NRXN3: variants seen among roughly 807,000 people sequenced by gnomAD.
NRXN3 encodes the protein neurexin 3, also known as neurexin III.
NRXN3 carries 32 observed loss-of-function variants against 137.6 expected under a neutral mutation model. The ratio of observed to expected loss-of-function variants is 0.23; its 90% CI spans 0.18 to 0.31. The LOEUF (loss-of-function observed/expected upper bound fraction) is 0.31, where lower values mean the gene tolerates loss of function less well. Ranked by LOEUF, NRXN3 falls within the 10% of genes least tolerant of loss-of-function variation. The pLI, the probability that NRXN3 is intolerant of heterozygous loss-of-function variation, is 1.00. For missense variants in NRXN3, 1,574 were observed against 2,062.5 expected (o/e 0.76, Z 4.59); for synonymous variants, 798 against 784.5 (o/e 1.02, Z -0.29).
chr14:78,444,811 C>T lies in NRXN3; in HGVS notation c.757+146951C>T, dbSNP rs576213323. Among the ~76,000 whole-genome samples the T allele has an allele frequency of 2.7e-3, 401 of 148,750 alleles. 5 individuals are homozygous for T. The highest frequency in any genetic ancestry group is 2.0e-3 in the Non-Finnish European group (136 of 67,530). ...GTGGATACCTGTAATCCCAGCTACT[C>T]GGGAGGCTGAGGCAGAAGAACCACG... On this transcript the variant is annotated intron_variant, in intron 4 of 20. Transcript: ENST00000335750.
chr14:79,784,533 T>C (rs1339170432), intron 19 of NRXN3, among the ~76,000 whole-genome samples: 1 of 152,078 alleles, frequency 6.6e-6, no homozygotes, highest in Non-Finnish European at 1.5e-5. Context: ...AGGCTGCAGT[T>C]TGAAGGCAAG....
At position 78,964,561 on chromosome 14, in the gene NRXN3, G is replaced by A. The variant is rs1182693614; in HGVS notation, c.2396-1464G>A. Among the ~76,000 whole-genome samples the A allele has an allele frequency of 2.0e-5, 3 of 152,212 alleles. No individual in the cohort carries two copies. In the South Asian group the frequency reaches 6.2e-4, roughly 32 times the overall value. On this transcript the variant is annotated intron_variant, in intron 11 of 20. Transcript: ENST00000335750. ...TCACTTCTTCAGGAAAGTTGTTAAAGAGGAAATAAAGAGATGCTATCAGTC... is the reference window on the plus strand; with the variant it reads ...TCACTTCTTCAGGAAAGTTGTTAAAAAGGAAATAAAGAGATGCTATCAGTC...
intron 16 of NRXN3, among the ~76,000 whole-genome samples, chr14:79,549,318 T>C (rs1208487489): frequency 6.6e-6 from 1 of 152,108 alleles, no homozygotes; most frequent in Non-Finnish European, 1.5e-5. Flanking sequence ...AATAAAGTCT[T>C]CTACCAGCTG....
chr14:79,034,941 T>A (rs2099613713), intron 15 of NRXN3, among the ~76,000 whole-genome samples: 1 of 152,138 alleles, frequency 6.6e-6, no homozygotes, highest in Non-Finnish European at 1.5e-5. Context: ...AATAGGAGAA[T>A]CATCTGTGAG....
chr14:78,442,755 G>A (rs1487778925), intron 4 of NRXN3, among the ~76,000 whole-genome samples: 1 of 152,216 alleles, frequency 6.6e-6, no homozygotes, highest in Non-Finnish European at 1.5e-5. Context: ...GCAGCTGGGT[G>A]AAAGGCCACA....
chr14:78,546,304 G>A (rs1396110393), intron 4 of NRXN3, among the ~76,000 whole-genome samples: 5 of 152,012 alleles, frequency 3.3e-5, no homozygotes, highest in African/African-American at 4.8e-5. Context: ...TGCATTTCTC[G>A]GACTGTTAGT....
At chr14:78,547,554 AT>A (rs1324448203) in intron 4 of NRXN3, among the ~76,000 whole-genome samples, 1 of 152,112 alleles carries the variant, frequency 6.6e-6, no homozygotes, top group Admixed American at 6.5e-5. Context: ...TTAAATCAAT[AT>A]GTTAATTTTG....
chr14:79,593,280 G>A (rs935580120), intron 16 of NRXN3, among the ~76,000 whole-genome samples: 1 of 152,136 alleles, frequency 6.6e-6, no homozygotes, highest in African/African-American at 2.4e-5. Flanking sequence ...AACAATGGGA[G>A]TATAAAGGTA....
chr14:78,835,518 A>T (rs2098994211), intron 10 of NRXN3, among the ~76,000 whole-genome samples: 1 of 152,176 alleles, frequency 6.6e-6, no homozygotes, highest in Non-Finnish European at 1.5e-5. Flanking sequence ...TGCTCTGGGC[A>T]CTTGGCATCC....
chr14:78,880,491 C>G (rs1204056449), intron 10 of NRXN3, among the ~76,000 whole-genome samples: 6 of 151,968 alleles, frequency 3.9e-5, no homozygotes, highest in Non-Finnish European at 2.9e-5. Flanking sequence ...AACCCGAGGC[C>G]TGGCAGGGAG....
chr14:78,783,202 G>T lies in NRXN3; in HGVS notation c.2045-20418G>T, dbSNP rs149254818. On this transcript the variant is annotated intron_variant, in intron 8 of 20. Coordinates refer to ENST00000335750, the MANE Select transcript of NRXN3 (RefSeq NM_001330195.2). ...GCAGGAAATTATCACCAGGAACAAG[G>T]CATGGGAATATCATGAACCCCTTGA... Among the ~76,000 whole-genome samples the T allele has an allele frequency of 3.1e-3, 466 of 152,276 alleles. 4 individuals are homozygous for T. The highest frequency in any genetic ancestry group is 0.011 in the African/African-American group (445 of 41,564).
In NRXN3 at chr14:79,181,227, T is replaced by C. The variant is rs555861975; in HGVS notation, c.3262+193086T>C. ...TGATCTTTATCTGAAAGAAGTCAGA[T>C]GATTTCCCTTTTCTGGTACAAGCCT... On this transcript the variant is annotated intron_variant, in intron 15 of 20. Coordinates refer to ENST00000335750, the MANE Select transcript of NRXN3 (RefSeq NM_001330195.2). 3.3e-5 allele frequency among the ~76,000 whole-genome samples: 5 copies of C among 152,272 alleles called. No individual in the cohort carries two copies. The Middle Eastern group carries it at 0.01, about 311-fold the overall frequency.
intron 15 of NRXN3, among the ~76,000 whole-genome samples, chr14:79,000,995 T>C (rs187403960): frequency 2.6e-5 from 4 of 152,308 alleles, no homozygotes; most frequent in Admixed American, 2.0e-4. Context: ...AACACAGCTA[T>C]AACCAAATTT....
At chr14:79,462,122 C>G (rs2096352326) in intron 15 of NRXN3, among the ~76,000 whole-genome samples, 1 of 151,976 alleles carries the variant, frequency 6.6e-6, no homozygotes, top group East Asian at 1.9e-4. Context: ...GCCTGTAATC[C>G]CAGCACTTTG....
chr14:78,696,605 T>C (rs1348413242), intron 6 of NRXN3, among the ~76,000 whole-genome samples: 1 of 152,012 alleles, frequency 6.6e-6, no homozygotes, highest in African/African-American at 2.4e-5. Context: ...TGCTGTTAAC[T>C]ATATTTTATG....
chr14:78,198,965 A>G (rs1397766576), intron 1 of NRXN3, among the ~76,000 whole-genome samples: 1 of 152,210 alleles, frequency 6.6e-6, no homozygotes, highest in Non-Finnish European at 1.5e-5. Flanking sequence ...GGTGGCAGAG[A>G]AAAAAACCTC....
At chr14:79,541,972 A>G (rs2153734911) in intron 16 of NRXN3, among the ~76,000 whole-genome samples, 1 of 152,354 alleles carries the variant, frequency 6.6e-6, no homozygotes, top group Non-Finnish European at 1.5e-5. Context: ...AAAAATGTGT[A>G]TCTTGATTAA....
intron 15 of NRXN3, among the ~76,000 whole-genome samples, chr14:79,187,550 T>A (rs544086649): frequency 6.6e-6 from 1 of 152,236 alleles, no homozygotes; most frequent in Non-Finnish European, 1.5e-5. Flanking sequence ...TTCTAAAAGG[T>A]AATATAATGC....
chr14:79,112,437 T>C (rs920926815), intron 15 of NRXN3, among the ~76,000 whole-genome samples: 3 of 152,232 alleles, frequency 2.0e-5, no homozygotes, highest in Non-Finnish European at 4.4e-5. Context: ...TTCAAACAAA[T>C]AGACCCTTGT....
Sources: allele counts gnomAD v4.1 joint callset (sites outside exome capture counted in the v4.1 genomes callset), GRCh38; gene constraint gnomAD v4.1.1; transcripts MANE v1.5; gene names NCBI Gene and HGNC (gene_info 2026-07-23, HGNC 2026-07-21).